Variants in GMDS observed in about 807,000 individuals in gnomAD.
The protein encoded by GMDS is GDP-mannose 4,6-dehydratase.
A neutral mutation model predicts 49.9 loss-of-function variants in GMDS; 20 were observed. That is an observed-to-expected ratio of 0.40 (90% CI 0.28 to 0.58). The LOEUF (loss-of-function observed/expected upper bound fraction) is 0.58. GMDS is among the 20% of genes least tolerant of loss of function. The probability of loss-of-function intolerance (pLI) is 0.42; values close to 1 mark genes in which losing one functional copy is unlikely to be tolerated. For missense variants in GMDS, 362 were observed against 481.4 expected (o/e 0.75, Z 2.32); for synonymous variants, 177 against 178.6 (o/e 0.99, Z 0.07).
intron 7 of GMDS, among the ~76,000 whole-genome samples, chr6:1,862,349 G>T (rs1645220707): frequency 6.6e-6 from 1 of 151,994 alleles, no homozygotes; most frequent in African/African-American, 2.4e-5. Flanking sequence ...CCTTGAACAA[G>T]AGGTATCAGG....
intron 9 of GMDS, among the ~76,000 whole-genome samples, chr6:1,674,139 CT>C (rs1172278797): frequency 7.2e-6 from 1 of 138,048 alleles, no homozygotes; most frequent in Non-Finnish European, 1.6e-5. Flanking sequence ...TGCATTCCCA[CT>C]AGCAATGAAC....
chr6:2,148,604 G>A (rs1776691509), intron 1 of GMDS, among the ~76,000 whole-genome samples: 1 of 152,048 alleles, frequency 6.6e-6, no homozygotes. Flanking sequence ...ATTATTAGTA[G>A]AGCAGGTGTT....
intron 4 of GMDS, among the ~76,000 whole-genome samples, chr6:2,075,506 T>C (rs1772282171): frequency 6.6e-6 from 1 of 152,180 alleles, no homozygotes; most frequent in South Asian, 2.1e-4. Context: ...GAACACGCGA[T>C]GTTTGGTTTT....
intron 7 of GMDS, among the ~76,000 whole-genome samples, chr6:1,865,971 CCTGG>C (rs1363559210): frequency 6.6e-6 from 1 of 152,138 alleles, no homozygotes; most frequent in Admixed American, 6.5e-5. Flanking sequence ...AAACTCAATT[CCTGG>C]CTGGCAAACT....
intron 4 of GMDS, among the ~76,000 whole-genome samples, chr6:2,052,475 G>C (rs896641144): frequency 6.6e-6 from 1 of 152,220 alleles, no homozygotes; most frequent in Non-Finnish European, 1.5e-5. Context: ...GCTTGGTCCT[G>C]ACAAGGTCCT....
At chr6:2,021,137 A>C (rs550278472) in intron 4 of GMDS, among the ~76,000 whole-genome samples, 1 of 152,318 alleles carries the variant, frequency 6.6e-6, no homozygotes, top group African/African-American at 2.4e-5. Context: ...AAATTCTACA[A>C]ATTGGCAGGT....
At chr6:1,670,658 T>C (rs1764391945) in intron 9 of GMDS, among the ~76,000 whole-genome samples, 1 of 152,212 alleles carries the variant, frequency 6.6e-6, no homozygotes. Flanking sequence ...GTTAATAGAC[T>C]TCCATGCTCT....
chr6:2,018,132 T>C (rs958230242), intron 4 of GMDS, among the ~76,000 whole-genome samples: 1 of 152,200 alleles, frequency 6.6e-6, no homozygotes, highest in African/African-American at 2.4e-5. Flanking sequence ...ATAACTTTTA[T>C]TTTCTCAGAG....
rs144441372 is a variant in GMDS at position 1,830,489 on chromosome 6, C to G, written c.772-87903G>C. ...TATTCAGCTTTGTATTACATATAAC[C>G]AACCACAGAGGATATAGTACAGGGG... is the stretch of plus-strand genomic sequence containing the variant. On this transcript the variant is annotated intron_variant, in intron 7 of 10. Transcript: ENST00000380815. Among the ~76,000 whole-genome samples, 95 of 152,226 alleles carry G rather than the reference C, an allele frequency of 6.2e-4. 2 individuals are homozygous for G. The East Asian group carries it at 0.016, about 25-fold the overall frequency.
In GMDS at chr6:1,892,302, G is replaced by A. The variant is rs551300419; in HGVS notation, c.771+37801C>T. On this transcript the variant is annotated intron_variant, in intron 7 of 10. Transcript: ENST00000380815. ...TTGGGAATCTGGAATCTGCCTGTCT[G>A]TAATGCATTTCAGTAACAAATCTGT... Among the ~76,000 whole-genome samples, 10 of 152,192 alleles carry A rather than the reference G, an allele frequency of 6.6e-5. No individual in the cohort carries two copies. The East Asian group carries it at 1.9e-3, about 29-fold the overall frequency.
intron 7 of GMDS, among the ~76,000 whole-genome samples, chr6:1,918,938 C>T (rs868079663): frequency 4.6e-5 from 7 of 152,306 alleles, no homozygotes; most frequent in African/African-American, 1.4e-4. Flanking sequence ...GTAAATCTAG[C>T]ACAACTCAAC....
intron 4 of GMDS, among the ~76,000 whole-genome samples, chr6:2,063,246 C>T (rs907216153): frequency 2.0e-5 from 3 of 152,232 alleles, no homozygotes; most frequent in Non-Finnish European, 4.4e-5. Flanking sequence ...TGGGATTGGC[C>T]TATCACTTCC....
intron 7 of GMDS, among the ~76,000 whole-genome samples, chr6:1,786,700 C>T (rs1196372801): frequency 6.6e-6 from 1 of 152,134 alleles, no homozygotes; most frequent in African/African-American, 2.4e-5. Flanking sequence ...CTCCCAGGAG[C>T]CTGGTTTTGG....
At chr6:1,651,302 A>C (rs1392444404) in intron 9 of GMDS, among the ~76,000 whole-genome samples, 1 of 152,190 alleles carries the variant, frequency 6.6e-6, no homozygotes, top group Non-Finnish European at 1.5e-5. Context: ...GGCTGGTGTG[A>C]GGGAGCAGCC....
At position 2,129,845 on chromosome 6, in the gene GMDS, T is replaced by C. The variant is rs1040229934; in HGVS notation, c.103-5114A>G. ...AGACAGAATATAATAGAAAGGTGTT[T>C]ATACCTAGGTCATGTTTGTAACACA... On this transcript the variant is annotated intron_variant, in intron 1 of 10. Coordinates refer to ENST00000380815, the MANE Select transcript of GMDS (RefSeq NM_001500.4). Among the ~76,000 whole-genome samples, 17 of 152,340 alleles carry C rather than the reference T, an allele frequency of 1.1e-4. No individual in the cohort carries two copies. In the Middle Eastern group the frequency reaches 0.017, roughly 152 times the overall value.
At chr6:1,979,935 C>G (rs1294495577) in intron 4 of GMDS, among the ~76,000 whole-genome samples, 3 of 152,194 alleles carry the variant, frequency 2.0e-5, no homozygotes, top group Non-Finnish European at 4.4e-5. Flanking sequence ...AATTTCATAT[C>G]TGTCCAAACT....
At chr6:2,095,611 G>A (rs566019478) in intron 4 of GMDS, among the ~76,000 whole-genome samples, 9 of 152,200 alleles carry the variant, frequency 5.9e-5, no homozygotes, top group African/African-American at 1.4e-4. Context: ...TCTGAAAATC[G>A]GTGTTGCAGA....
At chr6:2,137,739 A>T in intron 1 of GMDS, among the ~76,000 whole-genome samples, 1 of 152,216 alleles carries the variant, frequency 6.6e-6, no homozygotes, top group South Asian at 2.1e-4. Context: ...AATCTGTGTA[A>T]AACTCGTCCA....
chr6:1,984,094 T>C (rs541646259), intron 4 of GMDS, among the ~76,000 whole-genome samples: 12 of 152,116 alleles, frequency 7.9e-5, no homozygotes, highest in Non-Finnish European at 1.5e-4. Flanking sequence ...TGGAAGCCAT[T>C]ATCTTCAGCA....
Sources: gnomAD v4.1 joint callset for allele counts (sites outside exome capture counted in the v4.1 genomes callset) on GRCh38, gnomAD v4.1.1 for gene constraint, MANE v1.5 for transcripts, NCBI Gene and HGNC (gene_info 2026-07-23, HGNC 2026-07-21) for gene names.